Variants in RALGPS2 observed in about 807,000 individuals in gnomAD.
RALGPS2 encodes Ral GEF with PH domain and SH3 binding motif 2.
Under a neutral mutation model 86.8 loss-of-function variants are expected in RALGPS2, and 43 were observed. That is an observed-to-expected ratio of 0.50 (90% CI 0.39 to 0.64). The LOEUF (loss-of-function observed/expected upper bound fraction) is 0.64. Among genes scored for constraint, RALGPS2 ranks in the 30% least tolerant of loss-of-function variants. The pLI is 0.00. For synonymous variants in RALGPS2, 243 were observed against 231.3 expected, an observed-to-expected ratio of 1.05 and a Z score of -0.46; for missense variants, 536 against 694.6, an observed-to-expected ratio of 0.77 and a Z score of 2.57.
At position 178,906,760 on chromosome 1, in the gene RALGPS2, T is replaced by C. The variant is rs775848251; in HGVS notation, c.1631-16T>C. 1.9e-6 allele frequency: 3 copies of C among 1,595,610 alleles called. No homozygotes were observed. Among genetic ancestry groups the C allele is most frequent in the Non-Finnish European group, 2.6e-6 (3 of 1,166,378 alleles). On this transcript the variant is annotated splice_polypyrimidine_tract_variant and intron_variant, in intron 18 of 19. Transcript: ENST00000367635. ...TTACATTTTTAATATTTCCCCCTTA[T>C]TTTGGATAATTTTAGGAAATTCGTA...
At chr1:178,798,081 GTCTA>G (rs1654291300) in intron 4 of RALGPS2, among the ~76,000 whole-genome samples, 3 of 150,302 alleles carry the variant, frequency 2.0e-5, no homozygotes, top group Non-Finnish European at 4.4e-5. Flanking sequence ...GTAGATACTA[GTCTA>G]TTTTGTCTTT....
chr1:178,772,365 G>A (rs1652852582), intron 1 of RALGPS2, among the ~76,000 whole-genome samples: 1 of 152,168 alleles, frequency 6.6e-6, no homozygotes, highest in African/African-American at 2.4e-5. Flanking sequence ...TATTTGGAGA[G>A]CACAGTTTAT....
chr1:178,788,027 T>C (rs1417624784), intron 4 of RALGPS2, among the ~76,000 whole-genome samples: 3 of 152,194 alleles, frequency 2.0e-5, no homozygotes, highest in African/African-American at 4.8e-5. Context: ...GTTTTACCTT[T>C]TTCTACCTTC....
intron 4 of RALGPS2, among the ~76,000 whole-genome samples, chr1:178,789,667 T>C (rs531545515): frequency 6.6e-6 from 1 of 152,148 alleles, no homozygotes; most frequent in Non-Finnish European, 1.5e-5. Context: ...ATAATAAGTT[T>C]AGGAGATGTC....
Position 178,785,600 on chromosome 1 carries a change from A to G in RALGPS2, c.206A>G (p.Gln69Arg). ...GATGTTCCAGTATTTAAAGCTATTC[A>G]ACCAGATGTAAGTAGTTTTGAGAAT... The part of the protein sequence containing the change: ...LMDVPVFKAI[Q>R]PDELSSCGWN... Residue 69 changes from glutamine to arginine, a missense_variant, in exon 4 of 20, where the codon CAA (glutamine) becomes CGA (arginine). Around this residue, in one of 3 missense-constraint regions of RALGPS2, gnomAD observed 184 missense variants for 296.7 expected, o/e 0.62. Coordinates refer to ENST00000367635, the MANE Select transcript of RALGPS2 (RefSeq NM_152663.5). 6.3e-7 allele frequency: 1 copy of G among 1,584,006 alleles called. No homozygotes were observed.
chr1:178,883,051 G>A (rs1387853407), intron 10 of RALGPS2, among the ~76,000 whole-genome samples: 1 of 152,128 alleles, frequency 6.6e-6, no homozygotes, highest in Admixed American at 6.6e-5. Context: ...GTGTTCCATG[G>A]TTTGGCAACT....
rs929561790 is a variant in RALGPS2 at position 178,793,395 on chromosome 1, A to T, written c.213+7788A>T. On this transcript the variant is annotated intron_variant, in intron 4 of 19. Coordinates refer to ENST00000367635, the MANE Select transcript of RALGPS2 (RefSeq NM_152663.5). The stretch of plus-strand genomic sequence containing the variant: ...AAATAAGAATTTCGATCAAAACCAC[A>T]GGGGTCTTTTTTTTTTTTTTTTTTT... Among the ~76,000 whole-genome samples, 113 of 148,016 alleles carry T rather than the reference A, an allele frequency of 7.6e-4. 1 individual carries two copies. Among genetic ancestry groups the T allele is most frequent in the African/African-American group, 2.6e-3 (104 of 40,184 alleles).
intron 8 of RALGPS2, among the ~76,000 whole-genome samples, chr1:178,861,197 A>C (rs985718675): frequency 2.0e-5 from 3 of 152,204 alleles, no homozygotes; most frequent in Non-Finnish European, 2.9e-5. Context: ...TTAGTATAGT[A>C]ATTCTTATGG....
chr1:178,865,943 A>T (rs1658376528), intron 8 of RALGPS2: 1 of 540,010 alleles, frequency 1.9e-6, no homozygotes, highest in Non-Finnish European at 3.2e-6. Context: ...AATTAACTTT[A>T]TTAATTTCTT....
Position 178,918,359 on chromosome 1 carries a change from T to C in RALGPS2, c.*2000T>C, listed in dbSNP as rs1326463925. On this transcript the variant is annotated 3_prime_UTR_variant, in exon 20 of 20. Coordinates refer to ENST00000367635, the MANE Select transcript of RALGPS2 (RefSeq NM_152663.5). The stretch of plus-strand genomic sequence containing the variant: ...GCGTTTTTAACAGTGTATGTGCTTT[T>C]TTAAAAAGTATTGTGAATGAGAACC... 3 of 152,216 alleles carry C rather than the reference T, an allele frequency of 2.0e-5. No homozygotes were observed. Among genetic ancestry groups the C allele is most frequent in the Non-Finnish European group, 4.4e-5 (3 of 68,014 alleles). 9.4% of individuals were successfully genotyped at this position (152,216 alleles called of 1,614,324 possible).
chr1:178,768,167 C>G (rs1472280848), intron 1 of RALGPS2, among the ~76,000 whole-genome samples: 1 of 152,114 alleles, frequency 6.6e-6, no homozygotes, highest in African/African-American at 2.4e-5. Flanking sequence ...GCTTTGAATT[C>G]TTTTTCTGTC....
chr1:178,797,410 C>A (rs1430462511), intron 4 of RALGPS2, among the ~76,000 whole-genome samples: 1 of 151,766 alleles, frequency 6.6e-6, no homozygotes, highest in Non-Finnish European at 1.5e-5. Context: ...AAATGCATGT[C>A]AAAGTTTAAG....
chr1:178,890,284 A>G (rs764692914), intron 14 of RALGPS2, among the ~76,000 whole-genome samples: 48 of 151,940 alleles, frequency 3.2e-4, no homozygotes, highest in Non-Finnish European at 5.7e-4. Flanking sequence ...ATTGAGGTCT[A>G]AGTACATATA....
intron 8 of RALGPS2, among the ~76,000 whole-genome samples, chr1:178,854,768 A>G (rs945030376): frequency 1.1e-4 from 17 of 152,074 alleles, no homozygotes; most frequent in African/African-American, 3.6e-4. Flanking sequence ...ATTTGCCCTC[A>G]TGTTATTTCA....
At chr1:178,913,578 G>A (rs1278030231) in intron 19 of RALGPS2, among the ~76,000 whole-genome samples, 2 of 152,180 alleles carry the variant, frequency 1.3e-5, no homozygotes, top group East Asian at 1.9e-4. Context: ...TAGAGTTCTT[G>A]CATTGGTTCT....
chr1:178,840,631 A>G lies in RALGPS2; in HGVS notation c.607+7081A>G, dbSNP rs191218306. On this transcript the variant is annotated intron_variant, in intron 8 of 19. Coordinates refer to ENST00000367635, the MANE Select transcript of RALGPS2 (RefSeq NM_152663.5). ...ACACCTTCAAAAGCTAGCAGAAGGCAAGAAATAACTAAGATCAGAGCAGAA... is the reference window on the plus strand; with the variant it reads ...ACACCTTCAAAAGCTAGCAGAAGGCGAGAAATAACTAAGATCAGAGCAGAA... Among the ~76,000 whole-genome samples the G allele has an allele frequency of 3.1e-3, 470 of 152,310 alleles. 2 individuals are homozygous for G. Among genetic ancestry groups the G allele is most frequent in the Non-Finnish European group, 5.2e-3 (351 of 68,016 alleles).
At chr1:178,800,924 C>A (rs1040549506) in intron 4 of RALGPS2, among the ~76,000 whole-genome samples, 21 of 151,538 alleles carry the variant, frequency 1.4e-4, no homozygotes, top group African/African-American at 4.9e-4. Context: ...AACATATTCC[C>A]AATCTTTTTT....
chr1:178,899,639 TGG>T (rs1194114132), intron 17 of RALGPS2, among the ~76,000 whole-genome samples: 8 of 146,328 alleles, frequency 5.5e-5, no homozygotes, highest in African/African-American at 1.9e-4. Context: ...GTTTTGGTTT[TGG>T]TTTTGGTTTT....
At chr1:178,834,325 C>G (rs147456951) in intron 8 of RALGPS2, among the ~76,000 whole-genome samples, 3 of 152,048 alleles carry the variant, frequency 2.0e-5, no homozygotes, top group Non-Finnish European at 4.4e-5. Context: ...CTCCCCACCC[C>G]CCAGATTTTG....
Sources: allele counts gnomAD v4.1 joint callset (sites outside exome capture counted in the v4.1 genomes callset), GRCh38; gene constraint gnomAD v4.1.1; regional missense constraint gnomAD v4.1.1; transcripts MANE v1.5; gene names NCBI Gene and HGNC (gene_info 2026-07-23, HGNC 2026-07-21).